Variants in MCCC1 observed in about 807,000 individuals in gnomAD.
MCCC1 encodes methylcrotonyl-CoA carboxylase subunit 1.
A neutral mutation model predicts 83.8 loss-of-function variants in MCCC1; 64 were observed. The ratio of observed to expected loss-of-function variants is 0.76; its 90% confidence interval spans 0.62 to 0.94. MCCC1 has a LOEUF of 0.94. Among genes scored for constraint, MCCC1 ranks in the 40% least tolerant of loss-of-function variants. The pLI, the probability that MCCC1 is intolerant of heterozygous loss-of-function variation, is 0.00. For missense variants in MCCC1, 807 were observed against 904.7 expected, an observed-to-expected ratio of 0.89 and a Z score of 1.39; for synonymous variants, 322 against 315.4, an observed-to-expected ratio of 1.02 and a Z score of -0.22.
intron 4 of MCCC1, among the ~76,000 whole-genome samples, chr3:183,085,742 A>G (rs760929649): frequency 5.9e-5 from 9 of 152,064 alleles, no homozygotes; most frequent in Non-Finnish European, 1.3e-4. Flanking sequence ...CCCAGCTGCA[A>G]ATCCAGCCTT....
At chr3:183,030,465 T>C (rs1712962659) in intron 14 of MCCC1, among the ~76,000 whole-genome samples, 1 of 152,210 alleles carries the variant, frequency 6.6e-6, no homozygotes, top group Admixed American at 6.5e-5. Flanking sequence ...CACATCAGCC[T>C]CACTGTCCTT....
intron 13 of MCCC1, among the ~76,000 whole-genome samples, chr3:183,036,774 C>T (rs1037541674): frequency 3.9e-5 from 6 of 152,054 alleles, no homozygotes; most frequent in African/African-American, 1.4e-4. Flanking sequence ...CTCCTGACAT[C>T]ATGATCCGCC....
At chr3:183,015,929 T>G (rs865850151) in intron 18 of MCCC1, among the ~76,000 whole-genome samples, 1,811 of 151,606 alleles carry the variant, frequency 0.012, 20 homozygotes, top group African/African-American at 0.023. Context: ...TTTTTTGTTT[T>G]TTGTTGTTGT....
intron 14 of MCCC1, 67 bp from the exon 15 acceptor site, chr3:183,025,871 T>C (rs1008867632): frequency 7.2e-6 from 10 of 1,388,990 alleles, no homozygotes; most frequent in African/African-American, 2.9e-5. Flanking sequence ...AACCGAGATA[T>C]AAAGAATCTC....
At chr3:183,082,013 G>A (rs1278381079) in intron 4 of MCCC1, among the ~76,000 whole-genome samples, 5 of 152,190 alleles carry the variant, frequency 3.3e-5, no homozygotes, top group Admixed American at 3.3e-4. Flanking sequence ...CTAAGATAAA[G>A]GTGAACAGTA....
intron 9 of MCCC1, among the ~76,000 whole-genome samples, chr3:183,049,169 T>A (rs1320782660): frequency 6.6e-6 from 1 of 152,194 alleles, no homozygotes; most frequent in Non-Finnish European, 1.5e-5. Context: ...TCTAAGCTTA[T>A]ATTTTAATTA....
Position 183,072,400 on chromosome 3 carries a change from G to C in MCCC1, c.457C>G (p.Pro153Ala). 1 of 1,613,862 alleles carries C rather than the reference G, an allele frequency of 6.2e-7. No individual in the cohort carries two copies. Residue 153 changes from proline to alanine, a missense_variant, in exon 5 of 19, where the codon CCT (proline) becomes GCT (alanine). Pro to Ala is a conservative substitution (Grantham distance 27). Coordinates refer to ENST00000265594, the MANE Select transcript of MCCC1 (RefSeq NM_020166.5). ...KQEGIIFIGP[P>A]PSAIRDMGIK... ...CCCATGTCTCTAATTGCAGATGGAGGAGGGCCTATAAAAATAATTCCTTCT... is the reference window on the plus strand; with the variant it reads ...CCCATGTCTCTAATTGCAGATGGAGCAGGGCCTATAAAAATAATTCCTTCT...
In MCCC1 at chr3:183,092,486, G is replaced by A. The variant is rs754460336; in HGVS notation, c.196C>T (p.Arg66Cys). 47 of 1,614,002 alleles carry A rather than the reference G, an allele frequency of 2.9e-5. No individual in the cohort carries two copies. Among genetic ancestry groups the A allele is most frequent in the South Asian group, 2.0e-4 (18 of 91,092 alleles). ...TGTACACCCAGTTTTTTGGCTGTGC[G>A]CATCACCCTGCAGGCAATTTCTCCT... The part of the protein sequence containing the change: ...NRGEIACRVM[R>C]TAKKLGVQTV... The change falls in exon 3 of 19, where the codon CGC becomes TGC. Residue 66 changes from arginine (R) to cysteine (C), a missense_variant. Coordinates refer to ENST00000265594, the MANE Select transcript of MCCC1 (RefSeq NM_020166.5).
intron 14 of MCCC1, 25 bp from the exon 15 acceptor site, chr3:183,025,829 A>C: frequency 6.3e-7 from 1 of 1,590,124 alleles, no homozygotes; most frequent in Non-Finnish European, 8.6e-7. Context: ...GGAAAAAATG[A>C]AGAAAAATTA....
chr3:183,083,759 G>A (rs1717687934), intron 4 of MCCC1, among the ~76,000 whole-genome samples: 1 of 152,110 alleles, frequency 6.6e-6, no homozygotes, highest in African/African-American at 2.4e-5. Flanking sequence ...TTCTTCAGGA[G>A]GCAGCTTAGA....
At chr3:183,019,087 T>C (rs1711930142) in intron 17 of MCCC1, among the ~76,000 whole-genome samples, 1 of 152,156 alleles carries the variant, frequency 6.6e-6, no homozygotes, top group Admixed American at 6.5e-5. Context: ...TCATACCCAC[T>C]TGGGGTAAAT....
intron 3 of MCCC1, among the ~76,000 whole-genome samples, chr3:183,088,170 G>C (rs1718040600): frequency 6.6e-6 from 1 of 151,470 alleles, no homozygotes; most frequent in Non-Finnish European, 1.5e-5. Flanking sequence ...CACACAAAGA[G>C]ACCATTTTAA....
At chr3:183,057,520 C>G (rs948914769) in intron 7 of MCCC1, 98 bp from the exon 8 acceptor site, 8 of 966,146 alleles carry the variant, frequency 8.3e-6, no homozygotes, top group Non-Finnish European at 1.3e-5. Flanking sequence ...CAGGATTTCT[C>G]CATTTTTACT....
At chr3:183,108,692 T>C (rs184135720) in intron 1 of MCCC1, among the ~76,000 whole-genome samples, 5 of 152,260 alleles carry the variant, frequency 3.3e-5, no homozygotes, top group Admixed American at 3.3e-4. Context: ...GGTGTGCTGT[T>C]CTCTCTATAA....
At chr3:183,055,871 C>T (rs1359092504) in intron 8 of MCCC1, among the ~76,000 whole-genome samples, 2 of 152,162 alleles carry the variant, frequency 1.3e-5, no homozygotes, top group Admixed American at 6.5e-5. Flanking sequence ...GCACTCCAGC[C>T]TGGATGACAA....
intron 1 of MCCC1, among the ~76,000 whole-genome samples, chr3:183,106,498 CT>C (rs1719407593): frequency 6.6e-6 from 1 of 151,082 alleles, no homozygotes; most frequent in African/African-American, 2.5e-5. Context: ...TTCTTTCTTT[CT>C]TTCTTTCTTT....
chr3:183,081,786 C>T (rs962003308), intron 4 of MCCC1, among the ~76,000 whole-genome samples: 2 of 152,170 alleles, frequency 1.3e-5, no homozygotes, highest in East Asian at 1.9e-4. Context: ...GGGCTCAACT[C>T]GGCTCAACAT....
At chr3:183,022,340 C>T in intron 16 of MCCC1, 77 bp downstream of exon 16, 2 of 1,536,858 alleles carry the variant, frequency 1.3e-6, no homozygotes, top group East Asian at 2.3e-5. Flanking sequence ...TCTTTCTAAT[C>T]TCTTTCAGTG....
At chr3:183,036,073 G>C in intron 13 of MCCC1, among the ~76,000 whole-genome samples, 1 of 149,860 alleles carries the variant, frequency 6.7e-6, no homozygotes. Context: ...GAGAACATGC[G>C]GTGTTTGGTT....
Sources: allele counts gnomAD v4.1 joint callset (sites outside exome capture counted in the v4.1 genomes callset), GRCh38; gene constraint gnomAD v4.1.1; transcripts MANE v1.5; gene names NCBI Gene and HGNC (gene_info 2026-07-23, HGNC 2026-07-21).